The following NECAB3 variants were observed in gnomAD, a reference collection of about 807,000 sequenced individuals.
NECAB3 encodes the protein N-terminal EF-hand calcium-binding protein 3.
In NECAB3, 38 loss-of-function variants were observed where a neutral mutation model predicts 57.2. The observed-to-expected ratio is 0.66, with a 90% CI of 0.51 to 0.87. The LOEUF is 0.87. NECAB3 is among the 40% of genes least tolerant of loss of function. The pLI is 0.00. For synonymous variants in NECAB3, 223 were observed against 222.6 expected, an observed-to-expected ratio of 1.00 and a Z score of -0.02; for missense variants, 474 against 527.5, an observed-to-expected ratio of 0.90 and a Z score of 0.99.
rs1204150804 is a variant in NECAB3 at position 33,659,514 on chromosome 20, C to T, written c.862G>A (p.Ala288Thr). The change falls in exon 8 of 12, where the codon GCC becomes ACC. Residue 288 changes from alanine (A) to threonine (T), a missense_variant. Transcript: ENST00000246190. The stretch of plus-strand genomic sequence containing the variant: ...GGGCTCACCAAGTCAGGCCCCTTGG[C>T]CAGGTCCTCTTCACGCAGGGGTTCC... ...RLEPLREEDL[A>T]KGPDLHILMA... 3 of 1,505,544 alleles carry T rather than the reference C, an allele frequency of 2.0e-6. No individual in the cohort carries two copies. The highest frequency in any genetic ancestry group is 1.8e-6 in the Non-Finnish European group (2 of 1,121,102). The allele number at this position is 1,505,544 out of a possible 1,614,324, so 93.3% of individuals were successfully genotyped here. A position where few individuals can be genotyped will look rare whatever the true frequency, so the allele number is the denominator to read the frequency against.
At chr20:33,668,245 G>C in intron 5 of NECAB3, 1 of 1,568,534 alleles carries the variant, frequency 6.4e-7, no homozygotes, top group Non-Finnish European at 8.7e-7. Flanking sequence ...AGTCAGGCTG[G>C]ACTGGGGGGG....
intron 5 of NECAB3, chr20:33,668,116 A>G (rs1049629068): frequency 1.9e-6 from 3 of 1,610,434 alleles, no homozygotes; most frequent in East Asian, 2.2e-5. Flanking sequence ...TGGGCGTGGC[A>G]TGGCTGTGTG....
chr20:33,663,278 G>A (rs1004004507), intron 5 of NECAB3: 1 of 549,140 alleles, frequency 1.8e-6, no homozygotes, highest in Non-Finnish European at 3.2e-6. Flanking sequence ...CTGGTCTCAG[G>A]AAGTCAGCCT....
At chr20:33,667,874 C>A (rs1314532096) in intron 5 of NECAB3, 7 of 1,599,158 alleles carry the variant, frequency 4.4e-6, no homozygotes, top group Non-Finnish European at 5.1e-6. Flanking sequence ...TGCCCCGAAC[C>A]CATCTTCCAG....
Position 33,667,564 on chromosome 20 carries a change from G to A in NECAB3, c.387+1811C>T, listed in dbSNP as rs754484126. On this transcript the variant is annotated intron_variant, in intron 5 of 11. Coordinates refer to ENST00000246190, the MANE Select transcript of NECAB3 (RefSeq NM_031232.4). ...GTTCAGCGGGCTGGCCGTGGAGGCG[G>A]GCGCGGGCGTGTGCCACGCCACGCC... 94 of 1,554,192 alleles carry A rather than the reference G, an allele frequency of 6.0e-5. 1 individual carries two copies. The South Asian group carries it at 1.0e-3, about 16-fold the overall frequency.
At chr20:33,674,195 C>G in intron 1 of NECAB3, 29 bp downstream of exon 1, 1 of 1,255,630 alleles carries the variant, frequency 8.0e-7, no homozygotes, top group Non-Finnish European at 1.0e-6. Flanking sequence ...GGTAGGGAGA[C>G]ACCGCGAGCA....
rs2017341092 is a variant in NECAB3 at position 33,658,025 on chromosome 20, T to C, written c.1079A>G (p.Gln360Arg). ...QDEASWRRHQ[Q>R]SPGSKAFQRI... ...CTGGAAGGCCTTGCTGCCAGGCGAC[T>C]GCTGGTGCCTGCAGAGACCCAGGCT... Residue 360 changes from glutamine (Q) to arginine (R), a missense_variant, in exon 11 of 12, where the codon CAG becomes CGG. Coordinates refer to ENST00000246190, the MANE Select transcript of NECAB3 (RefSeq NM_031232.4). 6.4e-7 allele frequency: 1 copy of C among 1,551,324 alleles called. No individual in the cohort carries two copies.
intron 5 of NECAB3, chr20:33,668,297 A>G (rs1270654860): frequency 6.6e-7 from 1 of 1,524,838 alleles, no homozygotes; most frequent in East Asian, 2.3e-5. Context: ...TAAAGAGTCA[A>G]GTGTTTGGAG....
In NECAB3 at chr20:33,657,941, C is replaced by T. The variant is rs112148660; in HGVS notation, c.1162+1G>A. The stretch of plus-strand genomic sequence containing the variant: ...ACAGTGAGTGGGGGTCCACCGCATA[C>T]CTGGGAAGAACACAGTGGTGAGGGT... On this transcript the variant is annotated splice_donor_variant, in intron 11 of 11. Coordinates refer to ENST00000246190, the MANE Select transcript of NECAB3 (RefSeq NM_031232.4). LOFTEE classifies it high-confidence loss of function. 2 of 1,555,634 alleles carry T rather than the reference C, an allele frequency of 1.3e-6. No homozygotes were observed. Among genetic ancestry groups the T allele is most frequent in the East Asian group, 2.4e-5 (1 of 41,146 alleles).
intron 8 of NECAB3, 46 bp downstream of exon 8, chr20:33,659,450 AC>A (rs139441010): frequency 0.039 from 54,507 of 1,409,796 alleles, 1,159 homozygotes; most frequent in Middle Eastern, 0.068. Flanking sequence ...ATTCATGAGC[AC>A]CCCCAGACAC....
chr20:33,668,646 G>A (rs2017755746), intron 5 of NECAB3: 1 of 169,310 alleles, frequency 5.9e-6, no homozygotes, highest in Admixed American at 6.1e-5. Flanking sequence ...ACCAGGAGGA[G>A]GAGCCCTGTG....
Position 33,669,310 on chromosome 20 carries a change from T to G in NECAB3, c.387+65A>C, listed in dbSNP as rs769731768. ...AACCCTGAGTCAAGACTGTGGAGGA[T>G]CCCACAGCACAGCAGATGCCCACTG... On this transcript the variant is annotated intron_variant, in intron 5 of 11. Coordinates refer to ENST00000246190, the MANE Select transcript of NECAB3 (RefSeq NM_031232.4). The G allele has an allele frequency of 2.0e-6, 3 of 1,512,274 alleles. No homozygotes were observed. The African/African-American group carries it at 4.1e-5, about 21-fold the overall frequency. The allele number at this position is 1,512,274 out of a possible 1,614,324, so 93.7% of individuals were successfully genotyped here. A position where few individuals can be genotyped will look rare whatever the true frequency, so the allele number is the denominator to read the frequency against.
chr20:33,659,986 A>G lies in NECAB3; in HGVS notation c.542T>C (p.Val181Ala), dbSNP rs767388394. Residue 181 changes from valine to alanine, a missense_variant, in exon 7 of 12, where the codon GTG becomes GCG. Coordinates refer to ENST00000246190, the MANE Select transcript of NECAB3 (RefSeq NM_031232.4). ...GCCGCAGAGCCTGCTCTGCGCCTCC[A>G]CGCTCTCTGCATCTGACCTAGAGGA... ...AHGWRSDAESVEAQSRLCGSR... is the reference protein window; with the variant it reads ...AHGWRSDAESAEAQSRLCGSR... The G allele has an allele frequency of 7.0e-6, 11 of 1,571,652 alleles. No individual in the cohort carries two copies. The highest frequency in any genetic ancestry group is 9.5e-6 in the Non-Finnish European group (11 of 1,161,386).
rs200286243 is a variant in NECAB3 at position 33,658,765 on chromosome 20, G to A, written c.949C>T (p.Arg317Cys). The change falls in exon 9 of 12, where the codon CGC (arginine) becomes TGC (cysteine). Residue 317 changes from arginine (R) to cysteine (C), a missense_variant. Arg to Cys is a radical substitution (Grantham distance 180). Coordinates refer to ENST00000246190, the MANE Select transcript of NECAB3 (RefSeq NM_031232.4). Reference sequence around the variant, plus strand: ...GCCCCTGTGAAGTCCACATAGCAGCGCAGGGCTCGGTGGAAGTCCTGCAGG... The same window carrying A: ...GCCCCTGTGAAGTCCACATAGCAGCACAGGGCTCGGTGGAAGTCCTGCAGG... ...EGLQDFHRAL[R>C]CYVDFTGAQS... 97 of 1,613,664 alleles carry A rather than the reference G, an allele frequency of 6.0e-5. No homozygotes were observed. The African/African-American group carries it at 1.0e-3, about 17-fold the overall frequency.
At position 33,660,395 on chromosome 20, in the gene NECAB3, C is replaced by T; in HGVS notation, c.388G>A (p.Glu130Lys). 6.2e-7 allele frequency: 1 copy of T among 1,613,378 alleles called. No homozygotes were observed. Among genetic ancestry groups the T allele is most frequent in the Non-Finnish European group, 8.5e-7 (1 of 1,179,710 alleles). The change falls in exon 6 of 12, where the codon GAG becomes AAG. Residue 130 changes from glutamate to lysine, a missense_variant and splice_region_variant. Physicochemically the swap from Glu to Lys is moderately conservative, Grantham distance 56. Coordinates refer to ENST00000246190, the MANE Select transcript of NECAB3 (RefSeq NM_031232.4). The surrounding 1 kb of genome is among the most constrained non-coding windows in gnomAD (Gnocchi z 4.1). ...TCCACTTTGGAGGCCCTCTCGTACTCCTGTGGGCCAAGGAGGGACGGTCAG... is the reference window on the plus strand; with the variant it reads ...TCCACTTTGGAGGCCCTCTCGTACTTCTGTGGGCCAAGGAGGGACGGTCAG... ...VLAAMDATKLEYERASKVDQF... is the reference protein window; with the variant it reads ...VLAAMDATKLKYERASKVDQF...
intron 7 of NECAB3, 40 bp from the exon 8 acceptor site, chr20:33,659,772 C>T (rs1384565568): frequency 6.5e-7 from 1 of 1,538,300 alleles, no homozygotes; most frequent in Non-Finnish European, 8.7e-7. Context: ...AGGGGCCTCT[C>T]AGGTCCCGCA....
chr20:33,674,145 G>C (rs1483942204), intron 1 of NECAB3, 79 bp downstream of exon 1: 2 of 1,211,548 alleles, frequency 1.7e-6, no homozygotes, highest in South Asian at 4.0e-5. Flanking sequence ...ACAGCGGCGG[G>C]GCCCGAACAA....
At chr20:33,662,394 C>T (rs370447346) in intron 5 of NECAB3, 19 of 1,551,534 alleles carry the variant, frequency 1.2e-5, no homozygotes, top group East Asian at 2.4e-5. Flanking sequence ...CAAGCAGGCC[C>T]GCAAGGAGAG....
At chr20:33,667,769 T>TC in intron 5 of NECAB3, 2 of 1,612,518 alleles carry the variant, frequency 1.2e-6, no homozygotes, top group Non-Finnish European at 1.7e-6. Flanking sequence ...TCCCTGGACT[T>TC]CGAGGGCGAC....
Sources: gnomAD v4.1 joint callset for allele counts on GRCh38, gnomAD v4.1.1 for gene constraint, Gnocchi (gnomAD v3.1) non-coding constraint, MANE v1.5 for transcripts, NCBI Gene and HGNC (gene_info 2026-07-23, HGNC 2026-07-21) for gene names.